STAG1: variants seen among roughly 807,000 people sequenced by gnomAD.
The protein encoded by STAG1 is STAG1 cohesin complex component.
STAG1 carries 26 observed loss-of-function variants against 170.9 expected under a neutral mutation model. The observed-to-expected ratio is 0.15, with a 90% CI of 0.11 to 0.21. STAG1 has a LOEUF of 0.21. STAG1 is among the 10% of genes least tolerant of loss of function. The pLI is 1.00. For synonymous variants in STAG1, 514 were observed against 497.7 expected (o/e 1.03, Z -0.44); for missense variants, 964 against 1,509.5 (o/e 0.64, Z 5.99).
At chr3:136,574,259 A>G (rs1559886753) in intron 4 of STAG1, among the ~76,000 whole-genome samples, 1 of 151,562 alleles carries the variant, frequency 6.6e-6, no homozygotes, top group South Asian at 2.1e-4. Flanking sequence ...AAAAAACCCG[A>G]CCACATAATA....
chr3:136,541,538 T>TCACACACACACACACACACTCACACA lies in STAG1; in HGVS notation c.471+580_471+581insTGTGTGAGTGTGTGTGTGTGTGTGTG, dbSNP rs1473951429. Among the ~76,000 whole-genome samples the TCACACACACACACACACACTCACACA allele has an allele frequency of 3.6e-3, 445 of 123,210 alleles. 1 individual carries two copies. The highest frequency in any genetic ancestry group is 8.4e-3 in the Middle Eastern group (2 of 238). 80.8% of individuals were successfully genotyped at this position (123,210 alleles called of 152,430 possible). On this transcript the variant is annotated intron_variant, in intron 6 of 33. Coordinates refer to ENST00000383202, the MANE Select transcript of STAG1 (RefSeq NM_005862.3). ...AGTATCCCAAATAGAAGCTTAACAT[T>TCACACACACACACACACACTCACACA]CACACACACACACACACACACACAC...
chr3:136,589,296 C>T (rs77442224), intron 4 of STAG1, among the ~76,000 whole-genome samples: 25,025 of 151,778 alleles, frequency 0.16, 2,742 homozygotes, highest in Non-Finnish European at 0.24. Flanking sequence ...GTCAGGAGTT[C>T]GAGACCAGCC....
chr3:136,568,966 A>G, intron 4 of STAG1, 105 bp from the exon 5 acceptor site: 2 of 728,704 alleles, frequency 2.7e-6, no homozygotes, highest in Non-Finnish European at 4.5e-6. Flanking sequence ...TATCTGAACG[A>G]GAAAATTACT....
At chr3:136,349,022 C>T (rs1297693265) in intron 29 of STAG1, 136 bp downstream of exon 29, 11 of 700,560 alleles carry the variant, frequency 1.6e-5, no homozygotes, top group Non-Finnish European at 2.4e-5. Context: ...ACCTTTTTGC[C>T]TTAACATCTC....
chr3:136,367,262 A>G (rs1204924805), intron 24 of STAG1, among the ~76,000 whole-genome samples, 180 bp from the exon 25 acceptor site: 1 of 152,156 alleles, frequency 6.6e-6, no homozygotes, highest in African/African-American at 2.4e-5. Context: ...TTAGTTACTC[A>G]TTTATCAAAC....
At chr3:136,609,734 AC>A (rs1464681731) in intron 3 of STAG1, 1 of 170,140 alleles carries the variant, frequency 5.9e-6, no homozygotes. Flanking sequence ...AGGGAATCCT[AC>A]CCACATCCCA....
chr3:136,459,126 G>A (rs986228137), intron 13 of STAG1, among the ~76,000 whole-genome samples: 4 of 151,756 alleles, frequency 2.6e-5, no homozygotes, highest in African/African-American at 4.8e-5. Context: ...GCTGAGGCAG[G>A]AGAACTGCTT....
intron 23 of STAG1, among the ~76,000 whole-genome samples, chr3:136,376,592 A>G (rs1413425796): frequency 2.0e-5 from 3 of 152,166 alleles, no homozygotes; most frequent in Admixed American, 2.0e-4. Flanking sequence ...TACCCAATGT[A>G]CATATTACTA....
intron 7 of STAG1, among the ~76,000 whole-genome samples, chr3:136,519,269 A>C (rs773277306): frequency 6.6e-6 from 1 of 152,270 alleles, no homozygotes; most frequent in African/African-American, 2.4e-5. Context: ...CAGAATGCAC[A>C]CAAGTTTCTA....
In STAG1 at chr3:136,494,289, A is replaced by C. The variant is rs577422417; in HGVS notation, c.902+5934T>G. ...CTGTCTCAAGAAAATAAATTAATAA[A>C]AAACAAAACAAAACTTAAAAAAATT... On this transcript the variant is annotated intron_variant, in intron 9 of 33. Coordinates refer to ENST00000383202, the MANE Select transcript of STAG1 (RefSeq NM_005862.3). 2.0e-5 allele frequency among the ~76,000 whole-genome samples: 3 copies of C among 152,268 alleles called. No homozygotes were observed. In the East Asian group the frequency reaches 5.8e-4, roughly 29 times the overall value.
chr3:136,610,806 G>C (rs537148562), intron 3 of STAG1, among the ~76,000 whole-genome samples: 1 of 152,114 alleles, frequency 6.6e-6, no homozygotes, highest in South Asian at 2.1e-4. Flanking sequence ...CAAATGCTTG[G>C]TGTTGTGTAT....
At chr3:136,613,050 C>T (rs900688358) in intron 3 of STAG1, among the ~76,000 whole-genome samples, 2 of 152,020 alleles carry the variant, frequency 1.3e-5, no homozygotes, top group African/African-American at 2.4e-5. Context: ...CACCTGTAAT[C>T]CCAGCACTTT....
intron 6 of STAG1, among the ~76,000 whole-genome samples, chr3:136,525,759 T>A (rs974506957): frequency 2.2e-4 from 33 of 152,252 alleles, no homozygotes; most frequent in Non-Finnish European, 4.0e-4. Context: ...CTCTACACAC[T>A]GCTTTAAATG....
intron 27 of STAG1, 134 bp from the exon 28 acceptor site, chr3:136,357,982 A>T: frequency 1.4e-6 from 1 of 690,522 alleles, no homozygotes; most frequent in Non-Finnish European, 2.4e-6. Flanking sequence ...TCAAATAATA[A>T]ACTAATGTGA....
chr3:136,714,967 TA>T (rs1343851602), intron 1 of STAG1, among the ~76,000 whole-genome samples: 3 of 106,256 alleles, frequency 2.8e-5, no homozygotes, highest in African/African-American at 6.4e-5. Context: ...ATATATATTT[TA>T]TATATATATT....
chr3:136,593,930 T>G (rs1398649977), intron 4 of STAG1, among the ~76,000 whole-genome samples: 1 of 152,226 alleles, frequency 6.6e-6, no homozygotes, highest in Non-Finnish European at 1.5e-5. Flanking sequence ...TGAAGTTTCA[T>G]TTTAATCAAT....
intron 3 of STAG1, among the ~76,000 whole-genome samples, chr3:136,618,101 A>C (rs1026369727): frequency 6.6e-6 from 1 of 152,154 alleles, no homozygotes; most frequent in African/African-American, 2.4e-5. Context: ...CTACTTTTAA[A>C]CTTAACTTCC....
At chr3:136,602,115 T>C (rs892798426) in intron 4 of STAG1, among the ~76,000 whole-genome samples, 2 of 152,066 alleles carry the variant, frequency 1.3e-5, no homozygotes, top group Non-Finnish European at 2.9e-5. Context: ...GCACAGTGGC[T>C]CACGTCTATA....
chr3:136,750,748 A>T (rs891191964), intron 1 of STAG1, among the ~76,000 whole-genome samples: 1 of 152,238 alleles, frequency 6.6e-6, no homozygotes, highest in Non-Finnish European at 1.5e-5. Context: ...AATTTGTCTT[A>T]TAAGTATTCT....
Sources: gnomAD v4.1 joint callset for allele counts (sites outside exome capture counted in the v4.1 genomes callset) on GRCh38, gnomAD v4.1.1 for gene constraint, MANE v1.5 for transcripts, NCBI Gene and HGNC (gene_info 2026-07-23, HGNC 2026-07-21) for gene names.